Variants in H3-3A observed in about 807,000 individuals in gnomAD.
H3-3A encodes histone H3.3.
For synonymous variants in H3-3A, 49 were observed against 61.4 expected, an observed-to-expected ratio of 0.80 and a Z score of 0.95; for missense variants, 7 against 184.0, an observed-to-expected ratio of 0.04 and a Z score of 5.57.
chr1:226,066,060 A>G, intron 3 of H3-3A: 2 of 497,032 alleles, frequency 4.0e-6, no homozygotes, highest in Non-Finnish European at 7.3e-6. Flanking sequence ...TAAAATTTTG[A>G]AACATTGCAC....
intron 1 of H3-3A, among the ~76,000 whole-genome samples, chr1:226,063,745 G>C (rs555953851): frequency 6.4e-4 from 98 of 152,310 alleles, no homozygotes; most frequent in African/African-American, 2.2e-3. Flanking sequence ...GTGAGGACTG[G>C]ACGCGAGGAC....
At chr1:226,063,224 C>T (rs1314878305) in intron 1 of H3-3A, among the ~76,000 whole-genome samples, 3 of 152,236 alleles carry the variant, frequency 2.0e-5, no homozygotes, top group African/African-American at 7.2e-5. Context: ...CCGCTTCGCA[C>T]CCTGGGGTAA....
chr1:226,065,647 T>A lies in H3-3A; in HGVS notation c.129-9T>A, dbSNP rs748635891. The A allele has an allele frequency of 1.3e-6, 2 of 1,527,750 alleles. No homozygotes were observed. The highest frequency in any genetic ancestry group is 2.8e-5 in the African/African-American group (2 of 71,766). The allele number at this position is 1,527,750 out of a possible 1,614,324, so 94.6% of individuals were successfully genotyped here. A position where few individuals can be genotyped will look rare whatever the true frequency, so the allele number is the denominator to read the frequency against. On this transcript the variant is annotated splice_polypyrimidine_tract_variant and intron_variant, in intron 2 of 3. Coordinates refer to ENST00000366815, the MANE Select transcript of H3-3A (RefSeq NM_002107.7). ...TTTTGGTAACAGTTTCTTTATTAAT[T>A]TTTTAAAGGCCTGGTACTGTGGCGC...
intron 2 of H3-3A, among the ~76,000 whole-genome samples, 181 bp from the exon 3 acceptor site, chr1:226,065,475 G>C (rs944939333): frequency 6.6e-6 from 1 of 152,114 alleles, no homozygotes; most frequent in East Asian, 1.9e-4. Flanking sequence ...TTGCTTTAAA[G>C]GTATTGTTAC....
chr1:226,068,987 A>C (rs1658010602), intron 3 of H3-3A, among the ~76,000 whole-genome samples: 1 of 152,174 alleles, frequency 6.6e-6, no homozygotes, highest in African/African-American at 2.4e-5. Context: ...ATTTGAATGA[A>C]GGAAACTTGT....
chr1:226,065,918 G>A (rs1657909314), intron 3 of H3-3A, 109 bp downstream of exon 3: 2 of 848,862 alleles, frequency 2.4e-6, no homozygotes, highest in Middle Eastern at 2.1e-4. Flanking sequence ...CTGTCAGGTA[G>A]TTGATATTGT....
Position 226,064,483 on chromosome 1 carries a change from T to C in H3-3A, c.128+4T>C. 1 of 1,609,956 alleles carries C rather than the reference T, an allele frequency of 6.2e-7. No homozygotes were observed. Among genetic ancestry groups the C allele is most frequent in the Non-Finnish European group, 8.5e-7 (1 of 1,177,618 alleles). On this transcript the variant is annotated splice_donor_region_variant and intron_variant, in intron 2 of 3. Transcript: ENST00000366815. ...TGAAGAAACCTCATCGTTACAGGTA[T>C]TAAAAAACAGGAAAAAAATGGGACA...
At chr1:226,066,897 T>C (rs1033721104) in intron 3 of H3-3A, 5 of 152,224 alleles carry the variant, frequency 3.3e-5, no homozygotes, top group African/African-American at 1.2e-4. Flanking sequence ...GCTGTTTCTA[T>C]GGTTAATCTA....
chr1:226,071,228 G>C, intron 3 of H3-3A, 123 bp from the exon 4 acceptor site: 1 of 689,944 alleles, frequency 1.4e-6, no homozygotes, highest in Non-Finnish European at 2.4e-6. Context: ...TGGTAAAATT[G>C]TCAGCATCTT....
intron 3 of H3-3A, among the ~76,000 whole-genome samples, chr1:226,070,911 G>C (rs1333776264): frequency 1.3e-5 from 2 of 152,216 alleles, no homozygotes; most frequent in African/African-American, 2.4e-5. Context: ...TTATACTACT[G>C]GACAAGGCAG....
At chr1:226,064,218 A>C in intron 1 of H3-3A, 111 bp from the exon 2 acceptor site, 1 of 724,098 alleles carries the variant, frequency 1.4e-6, no homozygotes, top group African/African-American at 1.8e-5. Flanking sequence ...TACGAACATT[A>C]TTTTTTATAC....
chr1:226,067,552 A>G (rs2102738671), intron 3 of H3-3A, among the ~76,000 whole-genome samples: 1 of 152,252 alleles, frequency 6.6e-6, no homozygotes, highest in African/African-American at 2.4e-5. Flanking sequence ...CAGCGTGGCC[A>G]ACATGGTGTG....
chr1:226,064,562 A>G (rs1657856856), intron 2 of H3-3A, 83 bp downstream of exon 2: 1 of 1,230,634 alleles, frequency 8.1e-7, no homozygotes, highest in African/African-American at 1.5e-5. Context: ...ATAACAGGAA[A>G]ACTTTTTGCT....
chr1:226,065,866 G>A, intron 3 of H3-3A, 57 bp downstream of exon 3: 1 of 1,276,248 alleles, frequency 7.8e-7, no homozygotes, highest in Non-Finnish European at 1.1e-6. Context: ...ACCAAGAACA[G>A]TTCCAAATTG....
rs1247825129 is a variant in H3-3A at position 226,062,787 on chromosome 1, G to C, written c.-48G>C. ...ACGCCAGCGCCGCCTCTCGCTCGCC[G>C]AGCTCCAGCCGAAGGAGAAGGGGGG... is the stretch of plus-strand genomic sequence containing the variant. On this transcript the variant is annotated 5_prime_UTR_variant, in exon 1 of 4. Coordinates refer to ENST00000366815, the MANE Select transcript of H3-3A (RefSeq NM_002107.7). 1.8e-5 allele frequency: 3 copies of C among 169,574 alleles called. No homozygotes were observed. In the Admixed American group the frequency reaches 2.0e-4, roughly 11 times the overall value. 10.5% of individuals were successfully genotyped at this position (169,574 alleles called of 1,614,324 possible). A position where few individuals can be genotyped will look rare whatever the true frequency, so the allele number is the denominator to read the frequency against.
At chr1:226,066,533 G>A (rs926712985) in intron 3 of H3-3A, 1 of 152,166 alleles carries the variant, frequency 6.6e-6, no homozygotes, top group Admixed American at 6.5e-5. Flanking sequence ...TTTAAGTTAA[G>A]ACCAAAACTT....
intron 3 of H3-3A, among the ~76,000 whole-genome samples, chr1:226,068,645 G>A (rs754595211): frequency 1.8e-4 from 28 of 152,290 alleles, no homozygotes; most frequent in Admixed American, 8.5e-4. Context: ...TGTGGAATAG[G>A]TAAGATGCGA....
intron 3 of H3-3A, among the ~76,000 whole-genome samples, chr1:226,070,163 G>A (rs1224291431): frequency 1.3e-5 from 2 of 152,092 alleles, no homozygotes; most frequent in Non-Finnish European, 2.9e-5. Flanking sequence ...GCATGTTTCC[G>A]GGGCATAGAT....
intron 3 of H3-3A, among the ~76,000 whole-genome samples, chr1:226,069,795 C>T (rs772418462): frequency 6.6e-6 from 1 of 152,182 alleles, no homozygotes; most frequent in African/African-American, 2.4e-5. Flanking sequence ...TATACCACTG[C>T]ACTCCAGCCA....
Sources: allele counts gnomAD v4.1 joint callset (sites outside exome capture counted in the v4.1 genomes callset), GRCh38; gene constraint gnomAD v4.1.1; transcripts MANE v1.5; gene names NCBI Gene and HGNC (gene_info 2026-07-23, HGNC 2026-07-21).